CNKSR2: variants seen among roughly 807,000 people sequenced by gnomAD.
CNKSR2 encodes the protein CNK homolog protein 2.
Under a neutral mutation model 84.4 loss-of-function variants are expected in CNKSR2, and 14 were observed. The observed-to-expected ratio is 0.17, with a 90% confidence interval of 0.11 to 0.26. CNKSR2 has a LOEUF of 0.26. Among genes scored for constraint, CNKSR2 ranks in the 10% least tolerant of loss-of-function variants. CNKSR2 has a pLI of 1.00. For synonymous variants in CNKSR2, 275 were observed against 277.9 expected, an observed-to-expected ratio of 0.99 and a Z score of 0.10; for missense variants, 485 against 771.2, an observed-to-expected ratio of 0.63 and a Z score of 4.40.
At chrX:21,621,601 T>C (rs2092601994) in intron 20 of CNKSR2, among the ~76,000 whole-genome samples, 1 of 111,304 alleles carries the variant, frequency 9.0e-6, no homozygotes, top group African/African-American at 3.3e-5. Flanking sequence ...GCATTAAATT[T>C]TAAACTTTTT....
chrX:21,602,210 T>A (rs1447604665), intron 18 of CNKSR2, among the ~76,000 whole-genome samples: 3 of 111,334 alleles, frequency 2.7e-5, no homozygotes, highest in Non-Finnish European at 5.6e-5. Flanking sequence ...GTGATCTTGA[T>A]CTTGACTCAC....
intron 21 of CNKSR2, among the ~76,000 whole-genome samples, chrX:21,650,403 A>C: frequency 1.1e-5 from 1 of 93,445 alleles, no homozygotes; most frequent in African/African-American, 4.0e-5. Flanking sequence ...GGGAGGGGGA[A>C]CATAACACAC....
intron 1 of CNKSR2, among the ~76,000 whole-genome samples, chrX:21,400,341 A>G (rs1445894749): frequency 9.0e-6 from 1 of 110,694 alleles, no homozygotes; most frequent in Admixed American, 9.6e-5. Context: ...GCTTTGTCTT[A>G]ATATACTTGG....
chrX:21,478,529 A>G (rs948641927), intron 5 of CNKSR2, among the ~76,000 whole-genome samples: 1 of 112,054 alleles, frequency 8.9e-6, no homozygotes, highest in Non-Finnish European at 1.9e-5. Flanking sequence ...CTAACATTAC[A>G]TTTGCTGAAC....
At chrX:21,620,392 T>G (rs997543770) in intron 20 of CNKSR2, among the ~76,000 whole-genome samples, 2 of 111,039 alleles carry the variant, frequency 1.8e-5, no homozygotes, top group African/African-American at 6.5e-5. Flanking sequence ...AGAGATGAAT[T>G]GTTTTTAACT....
chrX:21,518,341 C>G (rs1005977841), intron 9 of CNKSR2, among the ~76,000 whole-genome samples: 5 of 111,584 alleles, frequency 4.5e-5, no homozygotes. Flanking sequence ...GTTTTCTTCT[C>G]TGTATATGTG....
chrX:21,558,015 A>G (rs1403926823), intron 11 of CNKSR2, among the ~76,000 whole-genome samples: 3 of 111,630 alleles, frequency 2.7e-5, no homozygotes, highest in African/African-American at 9.7e-5. Flanking sequence ...TAATGCTTAT[A>G]GTACTCTTGC....
intron 13 of CNKSR2, among the ~76,000 whole-genome samples, chrX:21,576,717 C>T (rs924656018): frequency 1.8e-5 from 2 of 111,649 alleles, no homozygotes; most frequent in Non-Finnish European, 3.8e-5. Flanking sequence ...AGAAATACAA[C>T]TCTGTGCCTG....
chrX:21,436,452 A>G (rs746054841), intron 3 of CNKSR2, among the ~76,000 whole-genome samples: 3 of 111,879 alleles, frequency 2.7e-5, no homozygotes, highest in Admixed American at 9.5e-5. Flanking sequence ...AGAGAGAAAT[A>G]TAAGCATCGT....
At chrX:21,442,861 G>A (rs1488935397) in intron 4 of CNKSR2, among the ~76,000 whole-genome samples, 3 of 111,326 alleles carry the variant, frequency 2.7e-5, no homozygotes, top group Non-Finnish European at 5.7e-5. Flanking sequence ...AACACAGATG[G>A]AGCTTGGAGG....
chrX:21,456,685 G>A (rs148801466), intron 4 of CNKSR2, among the ~76,000 whole-genome samples: 1 of 111,631 alleles, frequency 9.0e-6, no homozygotes, highest in Non-Finnish European at 1.9e-5. Flanking sequence ...TGGGAAACCA[G>A]ACATCTTTTC....
At chrX:21,536,166 G>T (rs1448171542) in intron 11 of CNKSR2, among the ~76,000 whole-genome samples, 1 of 111,132 alleles carries the variant, frequency 9.0e-6, no homozygotes, top group Non-Finnish European at 1.9e-5. Flanking sequence ...CACATTTATT[G>T]ATTTGCATAT....
At chrX:21,513,692 G>A (rs1018945420) in intron 8 of CNKSR2, among the ~76,000 whole-genome samples, 1 of 111,261 alleles carries the variant, frequency 9.0e-6, no homozygotes, top group Non-Finnish European at 1.9e-5. Context: ...GAGTACACCT[G>A]AATAATAAAT....
rs2092700481 is a variant in CNKSR2 at position 21,644,311 on chromosome X, C to T, written c.2693-4520C>T. 3 of 111,948 alleles carry T rather than the reference C, an allele frequency of 2.7e-5. No homozygotes were observed. The South Asian group carries it at 1.1e-3, about 41-fold the overall frequency. The allele number at this position is 111,948 out of a possible 1,213,427, so 9.2% of individuals were successfully genotyped here. On this transcript the variant is annotated intron_variant, in intron 20 of 21. Transcript: ENST00000379510. ...ATATCATTGTCCAATTTTACAAGAT[C>T]ACAGATCCCTTCCGAAATATGTACC...
intron 11 of CNKSR2, among the ~76,000 whole-genome samples, chrX:21,550,628 T>G (rs367868726): frequency 3.6e-5 from 4 of 112,397 alleles, no homozygotes; most frequent in African/African-American, 1.3e-4. Context: ...GTATGTTTAT[T>G]GCAGCACTAT....
chrX:21,600,386 T>G (rs1174244523), intron 17 of CNKSR2, among the ~76,000 whole-genome samples: 3 of 112,487 alleles, frequency 2.7e-5, no homozygotes, highest in Non-Finnish European at 3.8e-5. Flanking sequence ...TACTAGTGAT[T>G]CTGGACATAT....
intron 1 of CNKSR2, among the ~76,000 whole-genome samples, chrX:21,408,608 T>A (rs2090296747): frequency 9.0e-6 from 1 of 111,379 alleles, no homozygotes; most frequent in Admixed American, 9.6e-5. Flanking sequence ...TCCACTCCAC[T>A]CCACTCCACG....
intron 11 of CNKSR2, among the ~76,000 whole-genome samples, chrX:21,545,541 G>C (rs1213421553): frequency 8.9e-6 from 1 of 112,259 alleles, no homozygotes; most frequent in East Asian, 2.8e-4. Context: ...GAGAGCAGCA[G>C]ATCTCCCAGC....
At chrX:21,587,609 T>C (rs894613444) in intron 13 of CNKSR2, among the ~76,000 whole-genome samples, 28 of 111,789 alleles carry the variant, frequency 2.5e-4, no homozygotes, top group African/African-American at 9.1e-4. Flanking sequence ...CCAATTAAAT[T>C]TCTGTCACTG....
Sources: allele counts gnomAD v4.1 joint callset (sites outside exome capture counted in the v4.1 genomes callset), GRCh38; gene constraint gnomAD v4.1.1; transcripts MANE v1.5; gene names NCBI Gene and HGNC (gene_info 2026-07-23, HGNC 2026-07-21).